Variants in PHACTR3 observed in about 807,000 individuals in gnomAD.
PHACTR3 encodes the protein protein phosphatase 1, regulatory subunit 123.
A neutral mutation model predicts 66.8 loss-of-function variants in PHACTR3; 16 were observed. The ratio of observed to expected loss-of-function variants is 0.24; its 90% CI spans 0.16 to 0.36. The LOEUF (loss-of-function observed/expected upper bound fraction) is 0.36, where lower values mean the gene tolerates loss of function less well. PHACTR3 is among the 10% of genes least tolerant of loss of function. The probability of loss-of-function intolerance (pLI) is 1.00; values close to 1 mark genes in which losing one functional copy is unlikely to be tolerated. For missense variants in PHACTR3, 647 were observed against 719.9 expected, an observed-to-expected ratio of 0.90 and a Z score of 1.16; for synonymous variants, 323 against 292.1, an observed-to-expected ratio of 1.11 and a Z score of -1.08.
At position 59,829,541 on chromosome 20, in the gene PHACTR3, C is replaced by T. The variant is rs2042288580; in HGVS notation, c.1329-6964C>T. Among the ~76,000 whole-genome samples, 1 of 152,232 alleles carries T rather than the reference C, an allele frequency of 6.6e-6. No homozygotes were observed. The highest frequency in any genetic ancestry group is 6.5e-5 in the Admixed American group (1 of 15,292). On this transcript the variant is annotated intron_variant, in intron 8 of 12. Coordinates refer to ENST00000371015, the MANE Select transcript of PHACTR3 (RefSeq NM_080672.5). This position sits in a 1 kb window ranked among gnomAD's most constrained non-coding sequence, Gnocchi z 4.2. ...GGGGGCAAGCAGACGAGACATCTGC[C>T]CCATTCACCATCAGATGTCTGAGGA...
chr20:59,701,160 A>G (rs770131607), intron 1 of PHACTR3, among the ~76,000 whole-genome samples: 11 of 152,310 alleles, frequency 7.2e-5, no homozygotes, highest in Non-Finnish European at 1.5e-4. Context: ...TAATAAAAAT[A>G]TGGACCATAA....
chr20:59,778,300 C>T (rs1161455729), intron 7 of PHACTR3, among the ~76,000 whole-genome samples: 1 of 152,172 alleles, frequency 6.6e-6, no homozygotes, highest in East Asian at 1.9e-4. Context: ...CACTGAATGC[C>T]ACATCCTCCC....
upstream of PHACTR3, among the ~76,000 whole-genome samples, chr20:59,602,913 G>A (rs892272094): frequency 3.9e-5 from 6 of 152,218 alleles, no homozygotes; most frequent in African/African-American, 1.4e-4. Flanking sequence ...CTGTGGCCCA[G>A]CTCTTCCACG....
intron 1 of PHACTR3, among the ~76,000 whole-genome samples, chr20:59,668,337 C>T (rs540142611): frequency 2.4e-4 from 37 of 151,926 alleles, no homozygotes; most frequent in African/African-American, 6.8e-4. Flanking sequence ...GAGGTGGGCA[C>T]GTACGCCTGT....
At chr20:59,814,452 C>T (rs1284362376) in intron 8 of PHACTR3, among the ~76,000 whole-genome samples, 1 of 152,164 alleles carries the variant, frequency 6.6e-6, no homozygotes, top group East Asian at 1.9e-4. Flanking sequence ...CCTATGCCGT[C>T]AGGTGCCTGG....
chr20:59,795,672 A>G (rs1420508941), intron 7 of PHACTR3, among the ~76,000 whole-genome samples: 2 of 152,096 alleles, frequency 1.3e-5, no homozygotes, highest in Non-Finnish European at 2.9e-5. Flanking sequence ...ATTTGTATGC[A>G]TATATATTTA....
chr20:59,662,746 G>T (rs1404280670), intron 1 of PHACTR3, among the ~76,000 whole-genome samples: 3 of 152,144 alleles, frequency 2.0e-5, no homozygotes, highest in Non-Finnish European at 4.4e-5. Flanking sequence ...AATCGCTGAG[G>T]CAGGAGGTGC....
chr20:59,749,855 A>G (rs1402077608), intron 3 of PHACTR3, among the ~76,000 whole-genome samples: 3 of 152,130 alleles, frequency 2.0e-5, no homozygotes, highest in African/African-American at 7.2e-5. Context: ...AACCATTTAA[A>G]GATGTCAAAT....
At chr20:59,839,323 TA>T (rs1009364892) in intron 9 of PHACTR3, among the ~76,000 whole-genome samples, 16 of 152,218 alleles carry the variant, frequency 1.1e-4, no homozygotes, top group East Asian at 7.7e-4. Context: ...ATGACTCACT[TA>T]AAAAAAATTA....
chr20:59,714,545 T>G (rs553364985), intron 1 of PHACTR3, among the ~76,000 whole-genome samples: 257 of 152,372 alleles, frequency 1.7e-3, no homozygotes, highest in African/African-American at 5.9e-3. Flanking sequence ...TTGGCCTGTC[T>G]GAACTTGTTC....
intron 1 of PHACTR3, among the ~76,000 whole-genome samples, chr20:59,669,613 A>C (rs879644917): frequency 1.3e-5 from 2 of 152,228 alleles, no homozygotes; most frequent in Admixed American, 1.3e-4. Context: ...CCCTGTGTCC[A>C]TTAGGAATCA....
chr20:59,674,802 C>CCCACCTTCTCCTGTT (rs1568697993), intron 1 of PHACTR3, among the ~76,000 whole-genome samples: 1 of 49,822 alleles, frequency 2.0e-5, no homozygotes, highest in Non-Finnish European at 3.2e-5. Flanking sequence ...TTCTCCTCTT[C>CCCACCTTCTCCTGTT]CCACCTTCTC....
chr20:59,785,596 T>C (rs773125818), intron 7 of PHACTR3, among the ~76,000 whole-genome samples: 4 of 152,180 alleles, frequency 2.6e-5, no homozygotes, highest in Non-Finnish European at 5.9e-5. Flanking sequence ...CGGGAGATGA[T>C]TCGCCAGCGA....
At chr20:59,678,660 TG>T (rs2036536469) in intron 1 of PHACTR3, among the ~76,000 whole-genome samples, 1 of 152,250 alleles carries the variant, frequency 6.6e-6, no homozygotes, top group Admixed American at 6.5e-5. Context: ...CTGTGTTTTG[TG>T]GGGCAGAAAT....
At chr20:59,724,042 C>A (rs1003672105) in intron 1 of PHACTR3, among the ~76,000 whole-genome samples, 1 of 152,132 alleles carries the variant, frequency 6.6e-6, no homozygotes, top group African/African-American at 2.4e-5. Flanking sequence ...AGCCTGAACA[C>A]CTTTCACATG....
At chr20:59,847,088 ATTCT>A in intron 12 of PHACTR3, 23 bp from the exon 13 acceptor site, 1 of 1,476,772 alleles carries the variant, frequency 6.8e-7, no homozygotes, top group Non-Finnish European at 9.4e-7. Context: ...ATAACCTTAA[ATTCT>A]TTGTCTTTTT....
At chr20:59,635,926 T>C (rs188336705) in intron 1 of PHACTR3, among the ~76,000 whole-genome samples, 1 of 152,338 alleles carries the variant, frequency 6.6e-6, no homozygotes, top group East Asian at 1.9e-4. Flanking sequence ...GTCCTTGCTG[T>C]GAAGTATTTC....
Position 59,774,208 on chromosome 20 carries a change from G to A in PHACTR3, c.927-35G>A, listed in dbSNP as rs772789772. The A allele has an allele frequency of 3.3e-6, 5 of 1,531,916 alleles. No homozygotes were observed. The East Asian group carries it at 6.8e-5, about 21-fold the overall frequency. The allele number at this position is 1,531,916 out of a possible 1,614,324, so 94.9% of individuals were successfully genotyped here. ...TCGTGCTGGGTTTCTGGGTGAAGGG[G>A]GTGACCTATAACCTGAACCATCTTT... On this transcript the variant is annotated intron_variant, in intron 6 of 12. Coordinates refer to ENST00000371015, the MANE Select transcript of PHACTR3 (RefSeq NM_080672.5).
chr20:59,766,869 G>C lies in PHACTR3; in HGVS notation c.542-317G>C, dbSNP rs140724991. On this transcript the variant is annotated intron_variant, in intron 4 of 12. Coordinates refer to ENST00000371015, the MANE Select transcript of PHACTR3 (RefSeq NM_080672.5). ...AAATTCAGAGACCACTTGAGCCTGG[G>C]TGTGTCTGACTCCAAAACCTGGCAT... Among the ~76,000 whole-genome samples the C allele has an allele frequency of 1.1e-3, 167 of 152,340 alleles. 2 individuals carry two copies. Among genetic ancestry groups the C allele is most frequent in the African/African-American group, 3.8e-3 (158 of 41,572 alleles).
Sources: gnomAD v4.1 joint callset for allele counts (sites outside exome capture counted in the v4.1 genomes callset) on GRCh38, gnomAD v4.1.1 for gene constraint, Gnocchi (gnomAD v3.1) non-coding constraint, MANE v1.5 for transcripts, NCBI Gene and HGNC (gene_info 2026-07-23, HGNC 2026-07-21) for gene names.